The following TANC2 variants were observed in gnomAD, a reference collection of about 807,000 sequenced individuals.
The protein encoded by TANC2 is protein TANC2.
A neutral mutation model predicts 210.5 loss-of-function variants in TANC2; 26 were observed. The ratio of observed to expected loss-of-function variants is 0.12; its 90% CI spans 0.09 to 0.17. TANC2 has a LOEUF of 0.17. Among genes scored for constraint, TANC2 ranks in the 10% least tolerant of loss-of-function variants. The probability of loss-of-function intolerance (pLI) is 1.00; values close to 1 mark genes in which losing one functional copy is unlikely to be tolerated. For synonymous variants in TANC2, 931 were observed against 967.1 expected, an observed-to-expected ratio of 0.96 and a Z score of 0.69; for missense variants, 2,129 against 2,608.9, an observed-to-expected ratio of 0.82 and a Z score of 4.01.
At chr17:63,256,911 CTGATA>C (rs1423403237) in intron 8 of TANC2, among the ~76,000 whole-genome samples, 1 of 152,084 alleles carries the variant, frequency 6.6e-6, no homozygotes, top group African/African-American at 2.4e-5. Context: ...TCTATTTTGT[CTGATA>C]TAACTATAGC....
intron 3 of TANC2, among the ~76,000 whole-genome samples, chr17:63,076,457 A>G (rs1168499118): frequency 1.3e-5 from 2 of 152,200 alleles, no homozygotes; most frequent in African/African-American, 4.8e-5. Context: ...ATAAAAGAAG[A>G]AAGAGGAAAT....
At chr17:63,341,198 C>T (rs1256296019) in intron 12 of TANC2, among the ~76,000 whole-genome samples, 3 of 152,204 alleles carry the variant, frequency 2.0e-5, no homozygotes, top group Admixed American at 6.5e-5. Flanking sequence ...CCATCATCTT[C>T]AGTTATTTCA....
intron 11 of TANC2, among the ~76,000 whole-genome samples, chr17:63,325,031 G>T (rs1248908923): frequency 1.5e-5 from 2 of 135,986 alleles, no homozygotes; most frequent in African/African-American, 2.7e-5. Context: ...TCCCAGGACC[G>T]GTTATTTTAG....
chr17:63,241,671 G>A (rs772670200), intron 8 of TANC2, among the ~76,000 whole-genome samples: 8 of 152,234 alleles, frequency 5.3e-5, no homozygotes, highest in East Asian at 1.9e-4. Flanking sequence ...TTACCCTGGC[G>A]TTGGATTCAA....
At chr17:62,970,954 T>G (rs545488633) in intron 1 of TANC2, among the ~76,000 whole-genome samples, 2 of 152,304 alleles carry the variant, frequency 1.3e-5, no homozygotes, top group East Asian at 3.9e-4. Context: ...TGGACTTTTT[T>G]TTTCTTTCTG....
chr17:63,335,053 C>T (rs2045980012), intron 11 of TANC2, among the ~76,000 whole-genome samples: 1 of 152,098 alleles, frequency 6.6e-6, no homozygotes, highest in Non-Finnish European at 1.5e-5. Context: ...GGATCTGCCC[C>T]CATGACCCAA....
At chr17:63,000,708 G>A (rs2033333157) in intron 1 of TANC2, among the ~76,000 whole-genome samples, 1 of 152,154 alleles carries the variant, frequency 6.6e-6, no homozygotes, top group African/African-American at 2.4e-5. Flanking sequence ...TCCTGAGAGA[G>A]TGAACATCTT....
intron 6 of TANC2, among the ~76,000 whole-genome samples, chr17:63,198,204 CT>C (rs1006195425): frequency 2.1e-5 from 3 of 146,138 alleles, no homozygotes; most frequent in African/African-American, 5.0e-5. Context: ...TTTTTTTTTT[CT>C]TTTTTTTTGA....
intron 9 of TANC2, among the ~76,000 whole-genome samples, chr17:63,287,089 C>T (rs377283862): frequency 6.6e-6 from 1 of 152,036 alleles, no homozygotes; most frequent in East Asian, 1.9e-4. Flanking sequence ...GCCGCCACCA[C>T]ACTTGGCTAA....
chr17:63,244,642 C>T (rs578097142), intron 8 of TANC2, among the ~76,000 whole-genome samples: 19 of 152,316 alleles, frequency 1.2e-4, no homozygotes, highest in Admixed American at 1.2e-3. Flanking sequence ...TCTGCCACTG[C>T]AGGCTTCAAC....
At chr17:63,204,173 A>G (rs1598600722) in intron 7 of TANC2, among the ~76,000 whole-genome samples, 1 of 151,916 alleles carries the variant, frequency 6.6e-6, no homozygotes, top group East Asian at 1.9e-4. Context: ...CACCAAAACA[A>G]GTTGTATTTG....
intron 8 of TANC2, among the ~76,000 whole-genome samples, chr17:63,243,013 A>G (rs541947311): frequency 1.3e-5 from 2 of 152,328 alleles, no homozygotes; most frequent in African/African-American, 4.8e-5. Context: ...GGGCTCAGGA[A>G]AGTGGCACAA....
At chr17:63,112,389 C>T (rs539605496) in intron 4 of TANC2, among the ~76,000 whole-genome samples, 1 of 152,080 alleles carries the variant, frequency 6.6e-6, no homozygotes, top group Non-Finnish European at 1.5e-5. Flanking sequence ...AGGCAAAGTT[C>T]CAGGGAGGAC....
At chr17:63,405,981 A>C (rs899944265) in intron 20 of TANC2, among the ~76,000 whole-genome samples, 173 bp from the exon 21 acceptor site, 2 of 152,232 alleles carry the variant, frequency 1.3e-5, no homozygotes, top group African/African-American at 4.8e-5. Flanking sequence ...TGTCCCTGAG[A>C]GAGATTAAAT....
intron 1 of TANC2, among the ~76,000 whole-genome samples, chr17:62,991,754 C>G (rs2032881869): frequency 6.6e-6 from 1 of 151,568 alleles, no homozygotes; most frequent in Non-Finnish European, 1.5e-5. Flanking sequence ...GAATCTAGAG[C>G]AAAAACAAGT....
chr17:63,045,583 T>C (rs901621857), intron 2 of TANC2, among the ~76,000 whole-genome samples: 3 of 152,146 alleles, frequency 2.0e-5, no homozygotes, highest in East Asian at 1.9e-4. Context: ...TTTTTTCTTA[T>C]TGTTTTGGTA....
intron 3 of TANC2, among the ~76,000 whole-genome samples, chr17:63,094,349 C>G (rs536219934): frequency 5.4e-4 from 82 of 152,212 alleles, no homozygotes; most frequent in Non-Finnish European, 1.0e-3. Context: ...AGGCAAAACT[C>G]CTTTGCTTCT....
intron 2 of TANC2, among the ~76,000 whole-genome samples, chr17:63,037,980 T>G (rs2035039925): frequency 6.6e-6 from 1 of 152,146 alleles, no homozygotes; most frequent in African/African-American, 2.4e-5. Flanking sequence ...AGGGAGAGTT[T>G]TATTTGTTCC....
At chr17:63,331,289 T>C (rs1011097883) in intron 11 of TANC2, among the ~76,000 whole-genome samples, 4 of 152,234 alleles carry the variant, frequency 2.6e-5, no homozygotes, top group Admixed American at 6.5e-5. Flanking sequence ...CATTCATAAG[T>C]TTTATGCAAG....
Sources: allele counts gnomAD v4.1 joint callset (sites outside exome capture counted in the v4.1 genomes callset), GRCh38; gene constraint gnomAD v4.1.1; transcripts MANE v1.5; gene names NCBI Gene and HGNC (gene_info 2026-07-23, HGNC 2026-07-21).